The following AAMDC variants were observed in gnomAD, a reference collection of about 807,000 sequenced individuals.
AAMDC encodes the protein adipogenesis associated Mth938 domain containing, also known as mth938 domain-containing protein.
In AAMDC, 16 loss-of-function variants were observed where a neutral mutation model predicts 15.5. That is an observed-to-expected ratio of 1.03 (90% CI 0.70 to 1.57). The LOEUF is 1.57. AAMDC is among the 40% of genes most tolerant of loss of function. AAMDC has a pLI of 0.00. For missense variants in AAMDC, 141 were observed against 144.9 expected, an observed-to-expected ratio of 0.97 and a Z score of 0.14; for synonymous variants, 51 against 51.6, an observed-to-expected ratio of 0.99 and a Z score of 0.05.
intron 2 of AAMDC, among the ~76,000 whole-genome samples, chr11:77,862,106 C>T (rs573839135): frequency 1.3e-5 from 2 of 152,234 alleles, no homozygotes; most frequent in African/African-American, 4.8e-5. Context: ...CCTTCTAGCA[C>T]GCAAGGTAGC....
chr11:77,905,081 G>C (rs1360699711), downstream of AAMDC, among the ~76,000 whole-genome samples: 2 of 152,162 alleles, frequency 1.3e-5, no homozygotes, highest in African/African-American at 2.4e-5. Context: ...GTATAAATCT[G>C]AGTGTACTAA....
chr11:77,829,635 C>T (rs996935979), intron 1 of AAMDC: 1 of 152,096 alleles, frequency 6.6e-6, no homozygotes, highest in African/African-American at 2.4e-5. Flanking sequence ...ATTTGTGAGA[C>T]CTGAAACTAA....
chr11:77,861,982 T>C (rs376178225), intron 2 of AAMDC, among the ~76,000 whole-genome samples: 3 of 152,210 alleles, frequency 2.0e-5, no homozygotes, highest in African/African-American at 7.2e-5. Context: ...AGAGGTGTGC[T>C]TTCTCAATGC....
chr11:77,878,361 CA>C lies in AAMDC; in HGVS notation c.328+1328del, dbSNP rs35818983. On this transcript the variant is annotated intron_variant, in intron 5 of 5. Transcript: ENST00000304716. ...TGAGCGACACAGCAAGACTCCATCTCAAAAAAAAAAAAAAAATTTCCTCAAA... is the reference window on the plus strand; with the variant it reads ...TGAGCGACACAGCAAGACTCCATCTCAAAAAAAAAAAAAAATTTCCTCAAA... Among the ~76,000 whole-genome samples, 686 of 126,598 alleles carry C rather than the reference CA, an allele frequency of 5.4e-3. 2 individuals carry two copies. Among genetic ancestry groups the C allele is most frequent in the African/African-American group, 9.2e-3 (313 of 34,174 alleles). 83.1% of individuals were successfully genotyped at this position (126,598 alleles called of 152,430 possible). A position where few individuals can be genotyped will look rare whatever the true frequency, so the allele number is the denominator to read the frequency against.
chr11:77,874,197 C>T (rs954645862), downstream of AAMDC, among the ~76,000 whole-genome samples: 22 of 152,276 alleles, frequency 1.4e-4, no homozygotes, highest in Admixed American at 2.0e-4. Flanking sequence ...GCTTCACAGA[C>T]CCGACACCCA....
intron 5 of AAMDC, among the ~76,000 whole-genome samples, chr11:77,878,185 A>G (rs1951656415): frequency 6.6e-6 from 1 of 151,780 alleles, no homozygotes; most frequent in Admixed American, 6.6e-5. Flanking sequence ...ACATGGTGAA[A>G]CCCCGTCTCT....
At chr11:77,891,269 T>G in intron 5 of AAMDC, 1 of 1,581,028 alleles carries the variant, frequency 6.3e-7, no homozygotes, top group Non-Finnish European at 8.6e-7. Flanking sequence ...ATTAAATACT[T>G]CAACACAATG....
chr11:77,899,078 C>T (rs1220508402), intron 5 of AAMDC, among the ~76,000 whole-genome samples: 2 of 152,054 alleles, frequency 1.3e-5, no homozygotes, highest in African/African-American at 2.4e-5. Flanking sequence ...ATAACCCTTA[C>T]AATAACCCTG....
chr11:77,837,183 T>G (rs1490719949), intron 1 of AAMDC, among the ~76,000 whole-genome samples: 1 of 152,174 alleles, frequency 6.6e-6, no homozygotes, highest in African/African-American at 2.4e-5. Context: ...TCACCCAGGC[T>G]GGAGTGCAGT....
At chr11:77,877,147 T>C (rs1424705494), downstream of AAMDC, 5 of 651,954 alleles carry the variant, frequency 7.7e-6, no homozygotes, top group Non-Finnish European at 1.4e-5. Context: ...TGCCTGGAAA[T>C]AGACTGCCAG....
At chr11:77,861,004 A>G (rs1157244753) in intron 2 of AAMDC, among the ~76,000 whole-genome samples, 2 of 152,014 alleles carry the variant, frequency 1.3e-5, no homozygotes, top group East Asian at 3.9e-4. Flanking sequence ...GTTCTTAACA[A>G]TTTTCTTGAG....
At chr11:77,857,351 G>A (rs140098716) in intron 2 of AAMDC, among the ~76,000 whole-genome samples, 14 of 152,248 alleles carry the variant, frequency 9.2e-5, no homozygotes, top group Middle Eastern at 6.8e-3. Context: ...CTTACTGGCA[G>A]GAAAAACATA....
At chr11:77,900,859 G>C, downstream of AAMDC, 1 of 515,210 alleles carries the variant, frequency 1.9e-6, no homozygotes, top group East Asian at 3.3e-5. Context: ...CATGCTAAGT[G>C]TTTTTACATG....
chr11:77,881,734 G>A (rs141689545), intron 5 of AAMDC, among the ~76,000 whole-genome samples: 453 of 152,282 alleles, frequency 3.0e-3, no homozygotes, highest in Non-Finnish European at 5.4e-3. Context: ...GCAAAGACAA[G>A]CAAGTTCCCT....
downstream of AAMDC, among the ~76,000 whole-genome samples, chr11:77,904,919 G>A (rs567017649): frequency 2.0e-5 from 3 of 152,268 alleles, no homozygotes; most frequent in South Asian, 2.1e-4. Context: ...AAGGAGATGC[G>A]TATGAGTGCC....
At chr11:77,822,709 T>G (rs1341870829) in intron 1 of AAMDC, among the ~76,000 whole-genome samples, 1 of 152,200 alleles carries the variant, frequency 6.6e-6, no homozygotes, top group Non-Finnish European at 1.5e-5. Flanking sequence ...ATTCATAGTC[T>G]TGAGTGGTAT....
chr11:77,860,193 T>C (rs1393193520), intron 2 of AAMDC, among the ~76,000 whole-genome samples: 1 of 152,236 alleles, frequency 6.6e-6, no homozygotes, highest in Non-Finnish European at 1.5e-5. Context: ...GGTTAGGGCC[T>C]TCTTTAGGGC....
At chr11:77,888,823 A>G (rs1237699868) in intron 5 of AAMDC, among the ~76,000 whole-genome samples, 1 of 152,230 alleles carries the variant, frequency 6.6e-6, no homozygotes, top group East Asian at 1.9e-4. Context: ...CATATGAAAA[A>G]ATGCTCATCA....
At chr11:77,846,874 C>G (rs1034759494) in intron 2 of AAMDC, among the ~76,000 whole-genome samples, 2 of 152,066 alleles carry the variant, frequency 1.3e-5, no homozygotes, top group African/African-American at 4.8e-5. Context: ...CCTGAATAAT[C>G]AGACTATGCC....
Sources: gnomAD v4.1 joint callset for allele counts (sites outside exome capture counted in the v4.1 genomes callset) on GRCh38, gnomAD v4.1.1 for gene constraint, MANE v1.5 for transcripts, NCBI Gene and HGNC (gene_info 2026-07-23, HGNC 2026-07-21) for gene names.